The following NPHP1 variants were observed in gnomAD, a reference collection of about 807,000 sequenced individuals.
NPHP1 encodes the protein nephrocystin 1, also known as nephrocystin-1.
A neutral mutation model predicts 90.4 loss-of-function variants in NPHP1; 70 were observed. That is an observed-to-expected ratio of 0.77 (90% CI 0.64 to 0.95). The LOEUF (loss-of-function observed/expected upper bound fraction) is 0.95. NPHP1 is among the 40% of genes least tolerant of loss of function. The probability of loss-of-function intolerance (pLI) is 0.00; values close to 1 mark genes in which losing one functional copy is unlikely to be tolerated. For synonymous variants in NPHP1, 256 were observed against 271.7 expected (o/e 0.94, Z 0.57); for missense variants, 764 against 795.9 (o/e 0.96, Z 0.48).
chr2:110,194,440 TC>T (rs1684996142), intron 2 of NPHP1, among the ~76,000 whole-genome samples: 1 of 151,968 alleles, frequency 6.6e-6, no homozygotes, highest in Non-Finnish European at 1.5e-5. Context: ...AAATACACCC[TC>T]CCAAGACTAA....
intron 18 of NPHP1, chr2:110,126,977 A>C (rs1388538345): frequency 6.6e-6 from 1 of 152,600 alleles, no homozygotes; most frequent in Admixed American, 6.5e-5. Flanking sequence ...GGAATAGCAA[A>C]CGTGTTAAAG....
intron 16 of NPHP1, among the ~76,000 whole-genome samples, chr2:110,137,567 T>A (rs1363715801): frequency 1.3e-5 from 2 of 151,958 alleles, no homozygotes; most frequent in Admixed American, 1.3e-4. Flanking sequence ...AAAAAACACA[T>A]GAAAAAATGC....
intron 10 of NPHP1, 117 bp downstream of exon 10, chr2:110,161,483 TATC>T (rs1299896322): frequency 1.5e-4 from 100 of 682,920 alleles, no homozygotes; most frequent in Non-Finnish European, 1.4e-4. Flanking sequence ...TTTTCAAAAT[TATC>T]ATAAACAATT....
intron 15 of NPHP1, 151 bp from the exon 16 acceptor site, chr2:110,143,792 GA>G: frequency 1.5e-6 from 1 of 653,182 alleles, no homozygotes; most frequent in Non-Finnish European, 2.7e-6. Flanking sequence ...TGAGCTGAGA[GA>G]CCTCCCTAAG....
At chr2:110,171,611 T>C (rs1288008147) in intron 4 of NPHP1, among the ~76,000 whole-genome samples, 4 of 152,172 alleles carry the variant, frequency 2.6e-5, no homozygotes, top group African/African-American at 7.2e-5. Flanking sequence ...TTTCCTTCTT[T>C]AGGAGATATT....
chr2:110,188,372 C>G (rs114928699), intron 2 of NPHP1, among the ~76,000 whole-genome samples: 2,026 of 152,188 alleles, frequency 0.013, 48 homozygotes, highest in African/African-American at 0.046. Flanking sequence ...ATACCAACAA[C>G]AGGCAGGCAG....
chr2:110,153,107 A>T (rs957027131), intron 11 of NPHP1, among the ~76,000 whole-genome samples: 4 of 152,180 alleles, frequency 2.6e-5, no homozygotes, highest in Non-Finnish European at 5.9e-5. Flanking sequence ...AACAATTTGA[A>T]TGATGATGAA....
intron 2 of NPHP1, among the ~76,000 whole-genome samples, chr2:110,182,488 A>C (rs949898213): frequency 1.3e-5 from 2 of 152,294 alleles, no homozygotes; most frequent in Non-Finnish European, 2.9e-5. Flanking sequence ...ACCAATATTC[A>C]TCATTCTTAA....
Position 110,131,693 on chromosome 2 carries a change from C to T in NPHP1, c.1628G>A (p.Ser543Asn). 6.2e-7 allele frequency: 1 copy of T among 1,610,652 alleles called. No homozygotes were observed. Among genetic ancestry groups the T allele is most frequent in the African/African-American group, 1.3e-5 (1 of 75,012 alleles). The change falls in exon 17 of 20, where the codon AGC (serine) becomes AAC (asparagine). Residue 543 changes from serine (S) to asparagine (N), a missense_variant. By Grantham distance (46) the Ser-to-Asn change is conservative. Transcript: ENST00000445609. ...LGDVLLKDRM[S>N]LQSTDLISHP... ...AGCCCACTTACCAGTACTTTGCAAG[C>T]TCATCCTGTCTTTCAGGAGCACATC... is the stretch of plus-strand genomic sequence containing the variant.
At position 110,165,108 on chromosome 2, in the gene NPHP1, A is replaced by C. The variant is rs1682628232; in HGVS notation, c.672T>G (p.Ser224Arg). 4 of 1,613,704 alleles carry C rather than the reference A, an allele frequency of 2.5e-6. No individual in the cohort carries two copies. In the South Asian group the frequency reaches 3.3e-5, roughly 13 times the overall value. ...EEGQESSEEG[S>R]EEDVEAVDET... ...CATCCACCGCCTCTACATCTTCTTCACTGCCCTCTTCACTTGACTCTTGGC... is the reference window on the plus strand; with the variant it reads ...CATCCACCGCCTCTACATCTTCTTCCCTGCCCTCTTCACTTGACTCTTGGC... Residue 224 changes from serine to arginine, a missense_variant, in exon 7 of 20, where the codon AGT becomes AGG. Coordinates refer to ENST00000445609, the MANE Select transcript of NPHP1 (RefSeq NM_001128178.3).
At chr2:110,141,749 G>A (rs1680649345) in intron 16 of NPHP1, among the ~76,000 whole-genome samples, 2 of 151,932 alleles carry the variant, frequency 1.3e-5, no homozygotes, top group African/African-American at 2.4e-5. Flanking sequence ...GAGGTGGGCG[G>A]ATCACGAGGT....
intron 5 of NPHP1, 41 bp downstream of exon 5, chr2:110,169,765 A>C: frequency 7.4e-7 from 1 of 1,359,130 alleles, no homozygotes. Context: ...TTAGGTATGG[A>C]CATCGACCCT....
At chr2:110,135,469 C>A (rs1379398586) in intron 16 of NPHP1, among the ~76,000 whole-genome samples, 6 of 134,822 alleles carry the variant, frequency 4.5e-5, no homozygotes, top group African/African-American at 1.7e-4. Context: ...ACAGCGAGAC[C>A]CCGTCTCAAA....
chr2:110,191,630 G>T (rs1684746592), intron 2 of NPHP1, among the ~76,000 whole-genome samples: 1 of 152,176 alleles, frequency 6.6e-6, no homozygotes, highest in Admixed American at 6.5e-5. Flanking sequence ...AGACTTAAAT[G>T]TCCCTGTCTG....
intron 16 of NPHP1, among the ~76,000 whole-genome samples, chr2:110,135,136 C>T (rs914997901): frequency 2.6e-5 from 4 of 151,954 alleles, no homozygotes; most frequent in African/African-American, 9.7e-5. Flanking sequence ...GTACTTTATA[C>T]ACTAACAATG....
At chr2:110,184,794 A>C in intron 2 of NPHP1, 1 of 708,588 alleles carries the variant, frequency 1.4e-6, no homozygotes, top group Non-Finnish European at 2.7e-6. Flanking sequence ...GAGAAGGCTC[A>C]GTACTACCTG....
intron 6 of NPHP1, 94 bp from the exon 7 acceptor site, chr2:110,165,249 CA>C: frequency 2.1e-6 from 2 of 951,602 alleles, no homozygotes; most frequent in Non-Finnish European, 1.7e-6. Context: ...CCAGTAAAAA[CA>C]AAAACAAGCT....
chr2:110,163,003 G>A (rs1198714206), intron 9 of NPHP1, 45 bp downstream of exon 9: 1 of 1,325,776 alleles, frequency 7.5e-7, no homozygotes, highest in East Asian at 2.3e-5. Flanking sequence ...CGTGGATCTT[G>A]ACTGCTTTGC....
At chr2:110,188,336 T>C (rs900249447) in intron 2 of NPHP1, among the ~76,000 whole-genome samples, 5 of 152,106 alleles carry the variant, frequency 3.3e-5, no homozygotes, top group African/African-American at 1.2e-4. Context: ...ACAAAATCAA[T>C]GTGCAAAAAT....
Sources: gnomAD v4.1 joint callset for allele counts (sites outside exome capture counted in the v4.1 genomes callset) on GRCh38, gnomAD v4.1.1 for gene constraint, MANE v1.5 for transcripts, NCBI Gene and HGNC (gene_info 2026-07-23, HGNC 2026-07-21) for gene names.